MGAT5: variants seen among roughly 807,000 people sequenced by gnomAD.
MGAT5 encodes alpha-1,6-mannosylglycoprotein 6-beta-N-acetylglucosaminyltransferase.
In MGAT5, 30 loss-of-function variants were observed where a neutral mutation model predicts 94.3. The ratio of observed to expected loss-of-function variants is 0.32; its 90% CI spans 0.24 to 0.43. The LOEUF (loss-of-function observed/expected upper bound fraction) is 0.43. MGAT5 is among the 20% of genes least tolerant of loss of function. The probability of loss-of-function intolerance (pLI) is 1.00; values close to 1 mark genes in which losing one functional copy is unlikely to be tolerated. For missense variants in MGAT5, 691 were observed against 905.5 expected, an observed-to-expected ratio of 0.76 and a Z score of 3.04; for synonymous variants, 310 against 322.9, an observed-to-expected ratio of 0.96 and a Z score of 0.43.
intron 10 of MGAT5, among the ~76,000 whole-genome samples, chr2:134,367,828 A>G (rs866443312): frequency 1.3e-4 from 20 of 152,244 alleles, no homozygotes; most frequent in African/African-American, 3.9e-4. Context: ...AGCAAAAGCT[A>G]GTGCTTATTT....
intron 10 of MGAT5, among the ~76,000 whole-genome samples, chr2:134,390,595 C>T (rs187448088): frequency 5.3e-5 from 8 of 152,264 alleles, no homozygotes; most frequent in African/African-American, 1.9e-4. Context: ...TGGCAGAACC[C>T]TGTAACTATT....
At chr2:134,370,217 A>G (rs1334567773) in intron 10 of MGAT5, among the ~76,000 whole-genome samples, 4 of 152,250 alleles carry the variant, frequency 2.6e-5, no homozygotes, top group Admixed American at 1.3e-4. Context: ...TGAACCACCC[A>G]AGACCTTTGT....
intron 1 of MGAT5, among the ~76,000 whole-genome samples, chr2:134,261,104 T>A (rs1319152264): frequency 6.6e-6 from 1 of 152,150 alleles, no homozygotes; most frequent in Admixed American, 6.5e-5. Context: ...AAACTCAGAA[T>A]AAGGGGCTCA....
At chr2:134,277,448 AGAGAGCAAGGAAGT>A (rs1398626407) in intron 2 of MGAT5, among the ~76,000 whole-genome samples, 1 of 152,178 alleles carries the variant, frequency 6.6e-6, no homozygotes, top group Non-Finnish European at 1.5e-5. Context: ...AGAGCGAGCG[AGAGAGCAAGGAAGT>A]GCCACACTTT....
At chr2:134,391,875 G>T (rs1290560910) in intron 10 of MGAT5, among the ~76,000 whole-genome samples, 1 of 152,216 alleles carries the variant, frequency 6.6e-6, no homozygotes, top group Non-Finnish European at 1.5e-5. Context: ...AGGGAGGGTG[G>T]TTATTACCTG....
intron 1 of MGAT5, among the ~76,000 whole-genome samples, chr2:134,152,855 A>G (rs1229699167): frequency 6.6e-6 from 1 of 152,122 alleles, no homozygotes; most frequent in African/African-American, 2.4e-5. Flanking sequence ...GAACTTGTCA[A>G]AAGGGGAGAT....
intron 1 of MGAT5, among the ~76,000 whole-genome samples, chr2:134,158,847 G>GC (rs1247434166): frequency 6.6e-6 from 1 of 152,036 alleles, no homozygotes; most frequent in East Asian, 1.9e-4. Flanking sequence ...CCCTTTATCT[G>GC]CCCTTCACTG....
intron 1 of MGAT5, among the ~76,000 whole-genome samples, chr2:134,196,328 C>T (rs1218613785): frequency 6.6e-6 from 1 of 151,438 alleles, no homozygotes; most frequent in East Asian, 1.9e-4. Context: ...TAGGCCGTTG[C>T]TTCTGGTACT....
At chr2:134,305,023 A>G (rs1192169808) in intron 2 of MGAT5, among the ~76,000 whole-genome samples, 1 of 152,190 alleles carries the variant, frequency 6.6e-6, no homozygotes, top group Non-Finnish European at 1.5e-5. Flanking sequence ...CCTTTCTTCA[A>G]ACCGTACCCA....
intron 10 of MGAT5, among the ~76,000 whole-genome samples, chr2:134,374,701 A>T (rs1449555444): frequency 6.6e-6 from 1 of 152,184 alleles, no homozygotes; most frequent in Non-Finnish European, 1.5e-5. Flanking sequence ...AGTCAACATA[A>T]TCAGGACTAG....
chr2:134,147,894 A>C (rs1453632685), intron 1 of MGAT5, among the ~76,000 whole-genome samples: 2 of 152,248 alleles, frequency 1.3e-5, no homozygotes, highest in Admixed American at 6.5e-5. Flanking sequence ...AAACCAAAGT[A>C]ATATTAGAAA....
intron 10 of MGAT5, among the ~76,000 whole-genome samples, chr2:134,367,488 T>C (rs925023272): frequency 6.6e-6 from 1 of 152,222 alleles, no homozygotes; most frequent in Non-Finnish European, 1.5e-5. Flanking sequence ...GCTTTTGCAC[T>C]AAAATTATAG....
chr2:134,132,972 A>C (rs35735229), intron 1 of MGAT5, among the ~76,000 whole-genome samples: 22,596 of 152,164 alleles, frequency 0.15, 1,766 homozygotes, highest in East Asian at 0.23. Context: ...CCCCCTTCTT[A>C]ATTTATTTTT....
At chr2:134,229,108 C>G (rs1681217298) in intron 1 of MGAT5, among the ~76,000 whole-genome samples, 1 of 152,176 alleles carries the variant, frequency 6.6e-6, no homozygotes, top group Admixed American at 6.5e-5. Flanking sequence ...TGTTTTCCAT[C>G]TGCTCATTGA....
rs539134504 is a variant in MGAT5, at chr2:134,173,466, T to C, written c.-143+53175T>C. The stretch of plus-strand genomic sequence containing the variant: ...GATGGTCATCTTCCTGCATGTACTG[T>C]GCTGCGATTCTCACGCCAGTATCTG... On this transcript the variant is annotated intron_variant, in intron 1 of 16. Transcript: ENST00000409645. Among the ~76,000 whole-genome samples, 4 of 152,340 alleles carry C rather than the reference T, an allele frequency of 2.6e-5. No homozygotes were observed. The South Asian group carries it at 8.3e-4, about 32-fold the overall frequency.
At chr2:134,444,409 G>A (rs1198620596) in intron 15 of MGAT5, among the ~76,000 whole-genome samples, 1 of 152,146 alleles carries the variant, frequency 6.6e-6, no homozygotes, top group Non-Finnish European at 1.5e-5. Flanking sequence ...CTTAGCAGGA[G>A]GCTAGAATGA....
At chr2:134,339,212 C>G (rs1688497181) in intron 6 of MGAT5, among the ~76,000 whole-genome samples, 1 of 152,188 alleles carries the variant, frequency 6.6e-6, no homozygotes, top group Non-Finnish European at 1.5e-5. Flanking sequence ...ACCACACATT[C>G]TGTCACCAAA....
At chr2:134,286,108 A>C (rs1317267104) in intron 2 of MGAT5, among the ~76,000 whole-genome samples, 1 of 150,184 alleles carries the variant, frequency 6.7e-6, no homozygotes, top group Non-Finnish European at 1.5e-5. Flanking sequence ...AAACAAAAAA[A>C]AATTCTTACC....
At chr2:134,191,175 A>G (rs1246386940) in intron 1 of MGAT5, among the ~76,000 whole-genome samples, 1 of 152,196 alleles carries the variant, frequency 6.6e-6, no homozygotes, top group Non-Finnish European at 1.5e-5. Context: ...TTTATTAGTA[A>G]TAGTTGGTCG....
Sources: gnomAD v4.1 joint callset for allele counts (sites outside exome capture counted in the v4.1 genomes callset) on GRCh38, gnomAD v4.1.1 for gene constraint, MANE v1.5 for transcripts, NCBI Gene and HGNC (gene_info 2026-07-23, HGNC 2026-07-21) for gene names.